Variants in UBE4A observed in about 807,000 individuals in gnomAD.
UBE4A encodes the protein ubiquitin conjugation factor E4 A.
A neutral mutation model predicts 117.9 loss-of-function variants in UBE4A; 48 were observed. That is an observed-to-expected ratio of 0.41 (90% CI 0.32 to 0.52). The LOEUF (loss-of-function observed/expected upper bound fraction) is 0.52. Ranked by LOEUF, UBE4A falls within the 20% of genes least tolerant of loss-of-function variation. The probability of loss-of-function intolerance (pLI) is 0.33; values close to 1 mark genes in which losing one functional copy is unlikely to be tolerated. For synonymous variants in UBE4A, 407 were observed against 450.0 expected, an observed-to-expected ratio of 0.90 and a Z score of 1.21; for missense variants, 1,067 against 1,296.3, an observed-to-expected ratio of 0.82 and a Z score of 2.72.
chr11:118,393,006 T>C, intron 19 of UBE4A, 111 bp downstream of exon 19: 3 of 1,057,966 alleles, frequency 2.8e-6, no homozygotes, highest in Non-Finnish European at 4.0e-6. Context: ...CCACATATTA[T>C]TGATTTACTG....
At chr11:118,393,470 T>C (rs1555128968) in intron 19 of UBE4A, among the ~76,000 whole-genome samples, 1 of 152,068 alleles carries the variant, frequency 6.6e-6, no homozygotes, top group East Asian at 1.9e-4. Flanking sequence ...AACTAATTTT[T>C]GTATTTTTTG....
In UBE4A at chr11:118,373,202, A is replaced by T; in HGVS notation, c.838A>T (p.Ile280Leu). 1 of 1,614,038 alleles carries T rather than the reference A, an allele frequency of 6.2e-7. No homozygotes were observed. The highest frequency in any genetic ancestry group is 8.5e-7 in the Non-Finnish European group (1 of 1,180,016). ...AGTGTTTGATATTTTATTGGGCCGA[A>T]TAAAAGATCTAGAGCTCTGTCAGAT... is the stretch of plus-strand genomic sequence containing the variant. The part of the protein sequence containing the change: ...IPVFDILLGR[I>L]KDLELCQILL... The change falls in exon 7 of 20, where the codon ATA becomes TTA. Residue 280 changes from isoleucine (I) to leucine (L), a missense_variant. Ile to Leu is a conservative substitution (Grantham distance 5). Transcript: ENST00000252108.
chr11:118,372,322 A>C (rs967105987), intron 5 of UBE4A, among the ~76,000 whole-genome samples, 185 bp from the exon 6 acceptor site: 4 of 152,220 alleles, frequency 2.6e-5, no homozygotes, highest in Admixed American at 1.3e-4. Context: ...GCTAAGCCGG[A>C]TATTTCCAGG....
chr11:118,379,703 T>C lies in UBE4A; in HGVS notation c.1829T>C (p.Leu610Pro). The change falls in exon 11 of 20, where the codon CTA becomes CCA. Residue 610 changes from leucine (L) to proline (P), a missense_variant. By Grantham distance (98) the Leu-to-Pro change is moderately conservative. This residue lies in a region of UBE4A where 1,001 missense variants were observed against 1,184.0 expected (regional missense o/e 0.85). Transcript: ENST00000252108. ...AATGAGGGCTCACAGCCAATAGAGC[T>C]AACCTTTCCTTTGCCAGATGGCTAC... Reference protein sequence around the residue: ...IGNEGSQPIELTFPLPDGYSS... With the variant: ...IGNEGSQPIEPTFPLPDGYSS... 6.2e-7 allele frequency: 1 copy of C among 1,613,312 alleles called. No individual in the cohort carries two copies. The highest frequency in any genetic ancestry group is 1.1e-5 in the South Asian group (1 of 91,076).
intron 10 of UBE4A, among the ~76,000 whole-genome samples, chr11:118,378,255 A>T (rs1346248597): frequency 6.8e-6 from 1 of 146,972 alleles, no homozygotes; most frequent in Non-Finnish European, 1.5e-5. Flanking sequence ...TCAAAAAAAA[A>T]AATTAATTAA....
intron 15 of UBE4A, among the ~76,000 whole-genome samples, chr11:118,385,420 A>AT (rs1317557617): frequency 6.6e-6 from 1 of 152,142 alleles, no homozygotes; most frequent in African/African-American, 2.4e-5. Flanking sequence ...GATTTGGGTT[A>AT]TTTTTTCATA....
chr11:118,376,988 G>A (rs554654011), intron 10 of UBE4A, among the ~76,000 whole-genome samples: 1 of 152,144 alleles, frequency 6.6e-6, no homozygotes, highest in Non-Finnish European at 1.5e-5. Flanking sequence ...AAGAGTTGGA[G>A]GCCACAGTGA....
intron 2 of UBE4A, among the ~76,000 whole-genome samples, chr11:118,365,853 G>A (rs538316154): frequency 5.3e-5 from 8 of 152,240 alleles, no homozygotes; most frequent in African/African-American, 1.4e-4. Flanking sequence ...TTCAGGCACC[G>A]AATTTAAGAT....
intron 4 of UBE4A, among the ~76,000 whole-genome samples, chr11:118,370,622 T>TAA (rs142959441): frequency 4.3e-5 from 6 of 138,750 alleles, no homozygotes; most frequent in African/African-American, 1.6e-4. Context: ...AAGACCCATC[T>TAA]AAAAAAAAAA....
chr11:118,376,347 A>G (rs1555125358), intron 9 of UBE4A, among the ~76,000 whole-genome samples: 1 of 152,238 alleles, frequency 6.6e-6, no homozygotes, highest in African/African-American at 2.4e-5. Flanking sequence ...ATCACTTGAA[A>G]CAATCTATAG....
At chr11:118,382,492 T>C (rs1948714094) in intron 12 of UBE4A, 97 bp from the exon 13 acceptor site, 6 of 1,072,064 alleles carry the variant, frequency 5.6e-6, no homozygotes. Context: ...TCCTGTAATA[T>C]GGTTTAGGGT....
At chr11:118,375,485 G>C (rs975858517) in intron 9 of UBE4A, among the ~76,000 whole-genome samples, 3 of 151,844 alleles carry the variant, frequency 2.0e-5, no homozygotes, top group Admixed American at 6.6e-5. Context: ...TCAGCCTCCC[G>C]AGTAGCTGGG....
At chr11:118,378,074 C>T (rs190821813) in intron 10 of UBE4A, among the ~76,000 whole-genome samples, 8 of 151,980 alleles carry the variant, frequency 5.3e-5, no homozygotes, top group South Asian at 2.1e-4. Context: ...GGTGAAACCC[C>T]GTCTCTACTA....
intron 11 of UBE4A, 78 bp downstream of exon 11, chr11:118,379,828 CA>C (rs1948685218): frequency 6.9e-7 from 1 of 1,451,530 alleles, no homozygotes; most frequent in African/African-American, 1.4e-5. Flanking sequence ...GTTTAATCCT[CA>C]AAATACCCTT....
chr11:118,373,253 C>T lies in UBE4A; in HGVS notation c.889C>T (p.Leu297Phe), dbSNP rs753747653. 1 of 1,613,058 alleles carries T rather than the reference C, an allele frequency of 6.2e-7. No homozygotes were observed. Among genetic ancestry groups the T allele is most frequent in the South Asian group, 1.1e-5 (1 of 91,024 alleles). Residue 297 changes from leucine (L) to phenylalanine (F), a missense_variant, in exon 7 of 20, where the codon CTT (leucine) becomes TTT (phenylalanine). Around this residue, in one of 3 missense-constraint regions of UBE4A, gnomAD observed 1,001 missense variants for 1,184.0 expected, o/e 0.85. Coordinates refer to ENST00000252108, the MANE Select transcript of UBE4A (RefSeq NM_001204077.2). ...CCTTTTGTATGCATATCTGGATATT[C>T]TTCTCTATTTCACTAGGCAAAAAGA... ...QILLYAYLDI[L>F]LYFTRQKDMA...
Position 118,364,213 on chromosome 11 carries a change from G to A in UBE4A, c.-41-827G>A, listed in dbSNP as rs558135357. Among the ~76,000 whole-genome samples the A allele has an allele frequency of 1.4e-4, 22 of 152,142 alleles. No individual in the cohort carries two copies. In the South Asian group the frequency reaches 4.6e-3, roughly 31 times the overall value. ...TGTGCCACTGAGTTCACTTGGTCTT[G>A]AATGAGGAAATGTAATCAGAAGAGT... is the stretch of plus-strand genomic sequence containing the variant. On this transcript the variant is annotated intron_variant, in intron 1 of 19. Coordinates refer to ENST00000252108, the MANE Select transcript of UBE4A (RefSeq NM_001204077.2).
rs551243966 is a variant in UBE4A at position 118,372,010 on chromosome 11, A to G, written c.561+344A>G. Among the ~76,000 whole-genome samples the G allele has an allele frequency of 7.9e-5, 12 of 152,330 alleles. No homozygotes were observed. The South Asian group carries it at 2.3e-3, about 29-fold the overall frequency. On this transcript the variant is annotated intron_variant, in intron 5 of 19. Transcript: ENST00000252108. The stretch of plus-strand genomic sequence containing the variant: ...CACAGTGGCTCACTCCTGTAATCCC[A>G]GCACTTTGGGAGGCCGATGCAGGCG...
At chr11:118,369,648 T>G in intron 4 of UBE4A, 113 bp downstream of exon 4, 1 of 176,226 alleles carries the variant, frequency 5.7e-6, no homozygotes, top group Non-Finnish European at 1.1e-5. Flanking sequence ...CCCTCTCTCT[T>G]TTTTTTTTTT....
rs140027818 is a variant in UBE4A, at chr11:118,382,775, A to G, written c.2196A>G (p.Thr732=). ...AGGTTTTTGTGGACATCGAATTTAC[A>G]GGTAAAGCAGTCATGAAGCTGAGCC... ...LIKVFVDIEF[T]GDPHQFEQKF... The change falls in exon 13 of 20, where the codon ACA becomes ACG. Residue 732 remains threonine, a splice_region_variant and synonymous_variant. Coordinates refer to ENST00000252108, the MANE Select transcript of UBE4A (RefSeq NM_001204077.2). 1.9e-6 allele frequency: 3 copies of G among 1,573,118 alleles called. No individual in the cohort carries two copies. Among genetic ancestry groups the G allele is most frequent in the Non-Finnish European group, 2.6e-6 (3 of 1,152,508 alleles).
Sources: allele counts gnomAD v4.1 joint callset (sites outside exome capture counted in the v4.1 genomes callset), GRCh38; gene constraint gnomAD v4.1.1; regional missense constraint gnomAD v4.1.1; transcripts MANE v1.5; gene names NCBI Gene and HGNC (gene_info 2026-07-23, HGNC 2026-07-21).